Variants in LRP5 observed in about 807,000 individuals in gnomAD.
LRP5 encodes the protein LDL receptor related protein 5.
A neutral mutation model predicts 154.1 loss-of-function variants in LRP5; 62 were observed. That is an observed-to-expected ratio of 0.40 (90% CI 0.33 to 0.50). The LOEUF is 0.50. LRP5 is among the 20% of genes least tolerant of loss of function. The pLI, the probability that LRP5 is intolerant of heterozygous loss-of-function variation, is 0.55. For missense variants in LRP5, 1,915 were observed against 2,336.7 expected (o/e 0.82, Z 3.72); for synonymous variants, 966 against 1,011.5 (o/e 0.96, Z 0.85).
intron 13 of LRP5, among the ~76,000 whole-genome samples, chr11:68,417,645 A>C (rs61887858): frequency 2.2e-3 from 338 of 151,502 alleles, no homozygotes; most frequent in Non-Finnish European, 3.9e-3. Context: ...TTTTTGAAAC[A>C]ACTGCTAGGC....
chr11:68,419,432 G>A (rs770231849), intron 13 of LRP5, among the ~76,000 whole-genome samples: 2 of 151,346 alleles, frequency 1.3e-5, no homozygotes, highest in Non-Finnish European at 2.9e-5. Context: ...GTAGAGACCC[G>A]CTATGTTGCC....
chr11:68,373,435 A>G (rs2153145112), intron 5 of LRP5, among the ~76,000 whole-genome samples: 1 of 152,240 alleles, frequency 6.6e-6, no homozygotes, highest in East Asian at 1.9e-4. Flanking sequence ...GGCACTATTT[A>G]CGTGGCCCCT....
chr11:68,351,198 G>C (rs1447017107), intron 2 of LRP5, among the ~76,000 whole-genome samples: 3 of 152,064 alleles, frequency 2.0e-5, no homozygotes, highest in African/African-American at 7.2e-5. Flanking sequence ...CCTGAGAAGT[G>C]CCCCCGGCCT....
intron 17 of LRP5, among the ~76,000 whole-genome samples, chr11:68,433,074 G>A (rs1359256427): frequency 6.6e-6 from 1 of 152,196 alleles, no homozygotes; most frequent in African/African-American, 2.4e-5. Context: ...CTTGCTATGC[G>A]CACGCTGGTC....
chr11:68,362,018 G>T (rs2098628379), intron 3 of LRP5, among the ~76,000 whole-genome samples: 1 of 152,228 alleles, frequency 6.6e-6, no homozygotes, highest in South Asian at 2.1e-4. Context: ...GGGTGGAAAT[G>T]ACACAAAGGT....
chr11:68,380,307 G>A (rs1216560292), intron 5 of LRP5, among the ~76,000 whole-genome samples: 1 of 152,206 alleles, frequency 6.6e-6, no homozygotes, highest in Admixed American at 6.5e-5. Context: ...CATGGAATTT[G>A]CATTTTAGTG....
chr11:68,374,259 C>T (rs994097956), intron 5 of LRP5, among the ~76,000 whole-genome samples: 30 of 152,322 alleles, frequency 2.0e-4, no homozygotes, highest in Non-Finnish European at 3.1e-4. Context: ...AAGCAGGGCC[C>T]GCTCAGCTCG....
rs1035805504 is a variant in LRP5 at position 68,372,517 on chromosome 11, T to A, written c.1015+6815T>A. On this transcript the variant is annotated intron_variant, in intron 5 of 22. Transcript: ENST00000294304. The stretch of plus-strand genomic sequence containing the variant: ...AGACCGGGGACTTGGAGCACCTAGT[T>A]CCACTTGCGGGCTGACCTTCTATTT... Among the ~76,000 whole-genome samples the A allele has an allele frequency of 3.7e-4, 46 of 125,584 alleles. 1 individual carries two copies. Among genetic ancestry groups the A allele is most frequent in the African/African-American group, 1.4e-3 (46 of 32,316 alleles). 82.4% of individuals were successfully genotyped at this position (125,584 alleles called of 152,430 possible).
chr11:68,387,734 G>A (rs184786208), intron 6 of LRP5, among the ~76,000 whole-genome samples: 3 of 152,232 alleles, frequency 2.0e-5, no homozygotes, highest in Non-Finnish European at 4.4e-5. Flanking sequence ...CCCTGATGGA[G>A]GAGGCGCAGT....
chr11:68,303,088 G>A, the LRP5 span, among the ~76,000 whole-genome samples: 2 of 152,126 alleles, frequency 1.3e-5, no homozygotes, highest in African/African-American at 4.8e-5. Flanking sequence ...CTTTCTCCAT[G>A]GTGGCAAAGA....
At chr11:68,380,381 T>C (rs957767634) in intron 5 of LRP5, among the ~76,000 whole-genome samples, 3 of 152,302 alleles carry the variant, frequency 2.0e-5, no homozygotes, top group African/African-American at 7.2e-5. Context: ...TTCCTACAGC[T>C]GCGGCAGAGC....
chr11:68,425,402 G>C (rs1201738033), intron 15 of LRP5, 110 bp downstream of exon 15: 4 of 1,154,300 alleles, frequency 3.5e-6, no homozygotes, highest in Non-Finnish European at 4.9e-6. Context: ...GCCGCGCCAG[G>C]GGCTTTGTGT....
chr11:68,321,614 C>T (rs1259832093), intron 1 of LRP5, among the ~76,000 whole-genome samples: 2 of 152,096 alleles, frequency 1.3e-5, no homozygotes, highest in Admixed American at 6.5e-5. Flanking sequence ...CCCTTTGTGC[C>T]GACTTGCCCG....
chr11:68,347,791 G>GCTGT (rs1420794519), intron 1 of LRP5, 56 bp from the exon 2 acceptor site: 12 of 1,599,292 alleles, frequency 7.5e-6, no homozygotes, highest in Non-Finnish European at 1.0e-5. Flanking sequence ...CCATCCCAGG[G>GCTGT]CTGTGTATCT....
chr11:68,425,959 G>C lies in LRP5; in HGVS notation c.3428-19G>C. On this transcript the variant is annotated intron_variant, in intron 15 of 22. Coordinates refer to ENST00000294304, the MANE Select transcript of LRP5 (RefSeq NM_002335.4). The stretch of plus-strand genomic sequence containing the variant: ...CTGGAGGTCAGCACTGCTCAGGGGG[G>C]CCCACGGGCTGCTTGCAGGGGCCAA... 1 of 1,605,478 alleles carries C rather than the reference G, an allele frequency of 6.2e-7. No homozygotes were observed. The highest frequency in any genetic ancestry group is 8.5e-7 in the Non-Finnish European group (1 of 1,178,554).
At position 68,386,758 on chromosome 11, in the gene LRP5, C is replaced by T; in HGVS notation, c.1412+46C>T. The T allele has an allele frequency of 1.9e-6, 3 of 1,589,556 alleles. No individual in the cohort carries two copies. The highest frequency in any genetic ancestry group is 2.6e-6 in the Non-Finnish European group (3 of 1,166,328). ...GGCCTGGAGCCAGGGCCAGGCCAAGCACAGGCGAGAGGGAGATTGACCTGG... is the reference window on the plus strand; with the variant it reads ...GGCCTGGAGCCAGGGCCAGGCCAAGTACAGGCGAGAGGGAGATTGACCTGG... On this transcript the variant is annotated intron_variant, in intron 6 of 22. Transcript: ENST00000294304. This position sits in a 1 kb window ranked among gnomAD's most constrained non-coding sequence, Gnocchi z 7.9.
At chr11:68,378,696 A>G (rs979828883) in intron 5 of LRP5, among the ~76,000 whole-genome samples, 2 of 152,206 alleles carry the variant, frequency 1.3e-5, no homozygotes, top group Non-Finnish European at 2.9e-5. Context: ...ACACAGACTT[A>G]GTTGTGTCCA....
chr11:68,374,947 G>A (rs1438066898), intron 5 of LRP5, among the ~76,000 whole-genome samples: 1 of 152,206 alleles, frequency 6.6e-6, no homozygotes, highest in Non-Finnish European at 1.5e-5. Context: ...GTTAGACTGT[G>A]GTCACTGGTT....
At chr11:68,355,481 T>C (rs1309664733) in intron 2 of LRP5, among the ~76,000 whole-genome samples, 1 of 152,202 alleles carries the variant, frequency 6.6e-6, no homozygotes, top group Non-Finnish European at 1.5e-5. Flanking sequence ...CCAGCCCTTG[T>C]GTCCTGTGGC....
Sources: gnomAD v4.1 joint callset for allele counts (sites outside exome capture counted in the v4.1 genomes callset) on GRCh38, gnomAD v4.1.1 for gene constraint, Gnocchi (gnomAD v3.1) non-coding constraint, MANE v1.5 for transcripts, NCBI Gene and HGNC (gene_info 2026-07-23, HGNC 2026-07-21) for gene names.